KIF5C: variants seen among roughly 807,000 people sequenced by gnomAD.
The protein encoded by KIF5C is kinesin heavy chain isoform 5C.
KIF5C carries 18 observed loss-of-function variants against 125.2 expected under a neutral mutation model. That is an observed-to-expected ratio of 0.14 (90% CI 0.10 to 0.21). The LOEUF (loss-of-function observed/expected upper bound fraction) is 0.21. Ranked by LOEUF, KIF5C falls within the 10% of genes least tolerant of loss-of-function variation. KIF5C has a pLI of 1.00. For missense variants in KIF5C, 780 were observed against 1,183.8 expected, an observed-to-expected ratio of 0.66 and a Z score of 5.01; for synonymous variants, 405 against 434.0, an observed-to-expected ratio of 0.93 and a Z score of 0.83.
intron 10 of KIF5C, among the ~76,000 whole-genome samples, chr2:148,956,788 A>G (rs1380654919): frequency 1.3e-5 from 2 of 152,214 alleles, no homozygotes; most frequent in Non-Finnish European, 2.9e-5. Context: ...TGGAATAGAC[A>G]TTGATATCTG....
intron 3 of KIF5C, among the ~76,000 whole-genome samples, chr2:148,932,816 G>A (rs939283368): frequency 1.8e-4 from 27 of 152,268 alleles, no homozygotes; most frequent in Admixed American, 2.6e-4. Context: ...ATGTGCTGAC[G>A]GGCTGATGTC....
intron 1 of KIF5C, among the ~76,000 whole-genome samples, chr2:148,899,702 CAAAAAAAAA>C (rs771196518): frequency 6.5e-5 from 3 of 46,072 alleles, no homozygotes; most frequent in Admixed American, 6.4e-4. Context: ...AACTCCATCT[CAAAAAAAAA>C]AAAAAAAAAA....
chr2:148,906,319 G>T (rs894289250), intron 1 of KIF5C, among the ~76,000 whole-genome samples: 3 of 152,184 alleles, frequency 2.0e-5, no homozygotes, highest in African/African-American at 2.4e-5. Context: ...GGAATCTCAG[G>T]AAATACTGAC....
At chr2:149,020,069 G>C (rs1482239487) in intron 25 of KIF5C, 1 of 152,190 alleles carries the variant, frequency 6.6e-6, no homozygotes, top group East Asian at 1.9e-4. Context: ...AGATTCTCCA[G>C]ACTCCTCAGT....
chr2:148,943,383 A>T (rs1229294327), intron 7 of KIF5C, among the ~76,000 whole-genome samples: 1 of 152,116 alleles, frequency 6.6e-6, no homozygotes, highest in African/African-American at 2.4e-5. Context: ...GCAGCAGAGG[A>T]TCCGTGAAAA....
At chr2:148,943,808 G>T (rs558380609) in intron 7 of KIF5C, among the ~76,000 whole-genome samples, 1 of 152,260 alleles carries the variant, frequency 6.6e-6, no homozygotes, top group Non-Finnish European at 1.5e-5. Context: ...TGATTCTGTG[G>T]TCCAGAACTG....
chr2:148,925,034 G>T (rs552339819), intron 2 of KIF5C, among the ~76,000 whole-genome samples: 1 of 152,264 alleles, frequency 6.6e-6, no homozygotes, highest in African/African-American at 2.4e-5. Context: ...CTTTAGAAAG[G>T]GTGTATGCAA....
intron 12 of KIF5C, among the ~76,000 whole-genome samples, chr2:148,973,804 G>A (rs1680985303): frequency 6.6e-6 from 1 of 152,152 alleles, no homozygotes; most frequent in Admixed American, 6.5e-5. Context: ...TGAAAGGTGG[G>A]GTGTGTGAGT....
At chr2:148,978,413 A>G (rs538235366) in intron 12 of KIF5C, among the ~76,000 whole-genome samples, 1 of 148,714 alleles carries the variant, frequency 6.7e-6, no homozygotes, top group South Asian at 2.1e-4. Flanking sequence ...TCCAATGCCA[A>G]ATCTCCAGTT....
At chr2:148,975,859 A>G (rs1681048292) in intron 12 of KIF5C, among the ~76,000 whole-genome samples, 1 of 152,204 alleles carries the variant, frequency 6.6e-6, no homozygotes, top group African/African-American at 2.4e-5. Flanking sequence ...CTGTTAATTC[A>G]AAAGGCTGTG....
At chr2:149,007,911 G>A (rs1011640522) in intron 22 of KIF5C, 52 bp from the exon 23 acceptor site, 35 of 1,469,836 alleles carry the variant, frequency 2.4e-5, no homozygotes, top group East Asian at 4.7e-5. Context: ...ATCCTGGGGC[G>A]GAGGGTGGGT....
intron 1 of KIF5C, among the ~76,000 whole-genome samples, chr2:148,890,121 GA>G (rs1001441074): frequency 1.3e-5 from 2 of 152,110 alleles, no homozygotes; most frequent in African/African-American, 2.4e-5. Flanking sequence ...ACTGGTTTGT[GA>G]AAAATTTACC....
intron 4 of KIF5C, among the ~76,000 whole-genome samples, chr2:148,941,059 C>A (rs1682396985): frequency 1.3e-5 from 2 of 152,216 alleles, no homozygotes; most frequent in South Asian, 4.1e-4. Flanking sequence ...TCCTTTTCTT[C>A]TCACAGTCTA....
At chr2:148,938,852 G>T (rs1277962891) in intron 4 of KIF5C, among the ~76,000 whole-genome samples, 1 of 152,060 alleles carries the variant, frequency 6.6e-6, no homozygotes, top group Non-Finnish European at 1.5e-5. Flanking sequence ...TTGGGAGGTT[G>T]AGGCGGGCAG....
At chr2:148,975,661 C>T (rs1036436698) in intron 12 of KIF5C, among the ~76,000 whole-genome samples, 1 of 152,210 alleles carries the variant, frequency 6.6e-6, no homozygotes, top group Admixed American at 6.5e-5. Context: ...CGTGCTGCCC[C>T]GCCAGGGCTC....
At chr2:148,973,989 G>A (rs1338251292) in intron 12 of KIF5C, among the ~76,000 whole-genome samples, 1 of 152,150 alleles carries the variant, frequency 6.6e-6, no homozygotes, top group Non-Finnish European at 1.5e-5. Flanking sequence ...TGGTCTGATG[G>A]CTTCACCTAA....
chr2:148,997,012 GAGCATTGTCCCCCAGTA>G (rs1306097376), intron 17 of KIF5C, among the ~76,000 whole-genome samples: 2 of 152,162 alleles, frequency 1.3e-5, no homozygotes, highest in African/African-American at 2.4e-5. Context: ...CGCCCCCAGT[GAGCATTGTCCCCCAGTA>G]AGCATTGTCC....
intron 1 of KIF5C, among the ~76,000 whole-genome samples, chr2:148,894,839 T>C (rs1681797159): frequency 6.6e-6 from 1 of 151,306 alleles, no homozygotes; most frequent in African/African-American, 2.4e-5. Context: ...ATAAACATTT[T>C]AGGTTGATTT....
chr2:148,967,400 G>C (rs1322630893), intron 11 of KIF5C, among the ~76,000 whole-genome samples: 2 of 152,170 alleles, frequency 1.3e-5, no homozygotes, highest in South Asian at 2.1e-4. Context: ...CTCTTAAGTG[G>C]CCACACCTGG....
Sources: gnomAD v4.1 joint callset for allele counts (sites outside exome capture counted in the v4.1 genomes callset) on GRCh38, gnomAD v4.1.1 for gene constraint, MANE v1.5 for transcripts, NCBI Gene and HGNC (gene_info 2026-07-23, HGNC 2026-07-21) for gene names.